ARFIP1: variants seen among roughly 807,000 people sequenced by gnomAD.
ARFIP1 encodes ARF interacting protein 1.
In ARFIP1, 24 loss-of-function variants were observed where a neutral mutation model predicts 42.5. The observed-to-expected ratio is 0.57, with a 90% CI of 0.41 to 0.80. The LOEUF (loss-of-function observed/expected upper bound fraction) is 0.80. Among genes scored for constraint, ARFIP1 ranks in the 30% least tolerant of loss-of-function variants. The pLI is 0.00. For missense variants in ARFIP1, 354 were observed against 434.0 expected (o/e 0.82, Z 1.64); for synonymous variants, 141 against 153.7 (o/e 0.92, Z 0.61).
At chr4:152,805,061 G>T (rs1728894789) in intron 1 of ARFIP1, among the ~76,000 whole-genome samples, 1 of 152,182 alleles carries the variant, frequency 6.6e-6, no homozygotes, top group Non-Finnish European at 1.5e-5. Context: ...ATAAAGGCCA[G>T]ATTTTTAGTG....
chr4:152,904,223 G>A (rs1025005424), intron 8 of ARFIP1, among the ~76,000 whole-genome samples: 5 of 139,410 alleles, frequency 3.6e-5, no homozygotes, highest in Non-Finnish European at 6.1e-5. Flanking sequence ...ACGGAGTCTC[G>A]CTCTGTCACC....
At chr4:152,826,372 CA>C (rs1483343500) in intron 1 of ARFIP1, among the ~76,000 whole-genome samples, 2 of 152,072 alleles carry the variant, frequency 1.3e-5, no homozygotes, top group East Asian at 3.9e-4. Context: ...ACTCAGGAAT[CA>C]AAAAACCAGA....
rs566203168 is a variant in ARFIP1, at chr4:152,800,124, T to A, written c.-10+19898T>A. Among the ~76,000 whole-genome samples the A allele has an allele frequency of 3.9e-4, 59 of 152,182 alleles. 1 individual carries two copies. The highest frequency in any genetic ancestry group is 7.1e-4 in the Non-Finnish European group (48 of 68,000). ...GTATAAGCTGAATTTATCCTCCAATTTAAAAGCATTATATGAGTTTACAGT... is the reference window on the plus strand; with the variant it reads ...GTATAAGCTGAATTTATCCTCCAATATAAAAGCATTATATGAGTTTACAGT... On this transcript the variant is annotated intron_variant, in intron 1 of 8. Transcript: ENST00000353617.
intron 8 of ARFIP1, among the ~76,000 whole-genome samples, chr4:152,894,864 G>A (rs1444749745): frequency 1.3e-5 from 2 of 152,170 alleles, no homozygotes; most frequent in Non-Finnish European, 2.9e-5. Context: ...CCTTCATGAG[G>A]GAGTGATGCC....
intron 1 of ARFIP1, among the ~76,000 whole-genome samples, chr4:152,806,443 T>TG (rs1290399803): frequency 6.6e-6 from 1 of 152,156 alleles, no homozygotes; most frequent in Non-Finnish European, 1.5e-5. Context: ...CTGGGTGGAT[T>TG]GGGGGCCTGC....
At chr4:152,889,015 T>C (rs2149897666) in intron 8 of ARFIP1, among the ~76,000 whole-genome samples, 1 of 152,312 alleles carries the variant, frequency 6.6e-6, no homozygotes, top group South Asian at 2.1e-4. Flanking sequence ...ATAGGTGTAG[T>C]GCAGTCCTGA....
chr4:152,850,331 C>T (rs892378699), intron 2 of ARFIP1, among the ~76,000 whole-genome samples: 2 of 152,010 alleles, frequency 1.3e-5, no homozygotes, highest in Non-Finnish European at 2.9e-5. Flanking sequence ...TGAAAATGTG[C>T]CCACCAACAT....
At chr4:152,792,017 A>T (rs1290355946) in intron 1 of ARFIP1, among the ~76,000 whole-genome samples, 1 of 152,164 alleles carries the variant, frequency 6.6e-6, no homozygotes, top group Non-Finnish European at 1.5e-5. Context: ...AGATGGGCAT[A>T]TTCCAGTAGA....
chr4:152,906,907 C>G (rs1485154982), intron 8 of ARFIP1, among the ~76,000 whole-genome samples: 16 of 152,286 alleles, frequency 1.1e-4, no homozygotes, highest in African/African-American at 3.8e-4. Context: ...TGTTTTTCTT[C>G]CAGATAACTT....
At chr4:152,824,600 G>C (rs1730665247) in intron 1 of ARFIP1, among the ~76,000 whole-genome samples, 1 of 152,184 alleles carries the variant, frequency 6.6e-6, no homozygotes, top group African/African-American at 2.4e-5. Flanking sequence ...ACAAGGAGAA[G>C]CTGAAAGTAT....
intron 8 of ARFIP1, among the ~76,000 whole-genome samples, chr4:152,902,227 T>G (rs956471355): frequency 2.0e-5 from 3 of 152,194 alleles, no homozygotes; most frequent in Non-Finnish European, 2.9e-5. Flanking sequence ...CAAGGCCAAA[T>G]GTAGTGGCTC....
intron 7 of ARFIP1, among the ~76,000 whole-genome samples, chr4:152,886,496 T>C (rs1736274163): frequency 6.6e-6 from 1 of 152,034 alleles, no homozygotes; most frequent in Admixed American, 6.6e-5. Flanking sequence ...CATGCTATTC[T>C]CTTCAGAATC....
intron 1 of ARFIP1, among the ~76,000 whole-genome samples, chr4:152,829,173 C>T (rs577074182): frequency 2.3e-4 from 35 of 152,318 alleles, no homozygotes; most frequent in African/African-American, 8.4e-4. Flanking sequence ...TTTGATAACA[C>T]TTGTCAACTA....
rs1210312056 is a variant in ARFIP1, at chr4:152,870,598, T to C, written c.203-155T>C. 2.6e-5 allele frequency among the ~76,000 whole-genome samples: 4 copies of C among 152,276 alleles called. No individual in the cohort carries two copies. The East Asian group carries it at 7.7e-4, about 29-fold the overall frequency. On this transcript the variant is annotated intron_variant, in intron 3 of 8. Transcript: ENST00000353617. ...TGAGCCTGGTAGCATACATTTATTA[T>C]TAGTCCTTCCCTGAAAGAAAACAAA...
chr4:152,910,007 T>A, intron 8 of ARFIP1, 57 bp from the exon 9 acceptor site: 1 of 1,555,030 alleles, frequency 6.4e-7, no homozygotes. Flanking sequence ...TAAATCACTC[T>A]CTATTTTATT....
intron 2 of ARFIP1, among the ~76,000 whole-genome samples, chr4:152,848,644 A>C (rs918388032): frequency 7.9e-6 from 1 of 127,368 alleles, no homozygotes; most frequent in African/African-American, 2.5e-5. Context: ...TCCTACCCCC[A>C]CCAGTCACAT....
intron 1 of ARFIP1, among the ~76,000 whole-genome samples, chr4:152,792,253 C>CT (rs570795499): frequency 3.9e-5 from 6 of 151,938 alleles, no homozygotes; most frequent in African/African-American, 9.7e-5. Context: ...ACTTTTCAAA[C>CT]TTTTTTTTAC....
chr4:152,882,631 C>A, intron 6 of ARFIP1, 92 bp from the exon 7 acceptor site: 4 of 1,221,726 alleles, frequency 3.3e-6, no homozygotes, highest in East Asian at 2.4e-5. Flanking sequence ...CTATCTAAAT[C>A]ACATATTTTC....
chr4:152,788,186 C>CG (rs1433892874), intron 1 of ARFIP1, among the ~76,000 whole-genome samples: 1 of 151,958 alleles, frequency 6.6e-6, no homozygotes, highest in African/African-American at 2.4e-5. Flanking sequence ...GAGCCGAGAT[C>CG]GTGCCTCTGC....
Sources: allele counts gnomAD v4.1 joint callset (sites outside exome capture counted in the v4.1 genomes callset), GRCh38; gene constraint gnomAD v4.1.1; transcripts MANE v1.5; gene names NCBI Gene and HGNC (gene_info 2026-07-23, HGNC 2026-07-21).